The following ADAMTS6 variants were observed in gnomAD, a reference collection of about 807,000 sequenced individuals.
ADAMTS6 encodes ADAM metallopeptidase with thrombospondin type 1 motif 6, also known as A disintegrin and metalloproteinase with thrombospondin motifs 6.
Under a neutral mutation model 144.3 loss-of-function variants are expected in ADAMTS6, and 23 were observed. That is an observed-to-expected ratio of 0.16 (90% confidence interval 0.11 to 0.23). ADAMTS6 has a LOEUF of 0.23. Ranked by LOEUF, ADAMTS6 falls within the 10% of genes least tolerant of loss-of-function variation. The pLI, the probability that ADAMTS6 is intolerant of heterozygous loss-of-function variation, is 1.00. For missense variants in ADAMTS6, 999 were observed against 1,379.6 expected, an observed-to-expected ratio of 0.72 and a Z score of 4.37; for synonymous variants, 444 against 457.5, an observed-to-expected ratio of 0.97 and a Z score of 0.38.
intron 7 of ADAMTS6, among the ~76,000 whole-genome samples, chr5:65,444,606 A>G (rs72760588): frequency 0.061 from 9,257 of 152,230 alleles, 386 homozygotes; most frequent in East Asian, 0.1. Context: ...ATGGAGAGAT[A>G]GACTTTGTTC....
chr5:65,423,983 TA>T (rs1001509683), intron 7 of ADAMTS6, among the ~76,000 whole-genome samples: 1 of 151,936 alleles, frequency 6.6e-6, no homozygotes, highest in Non-Finnish European at 1.5e-5. Context: ...ATATCACGAT[TA>T]AAAAAAACAT....
At chr5:65,453,043 G>A in intron 4 of ADAMTS6, 125 bp from the exon 5 acceptor site, 1 of 716,248 alleles carries the variant, frequency 1.4e-6, no homozygotes, top group Non-Finnish European at 2.1e-6. Context: ...AGAAGAGAAT[G>A]AGAAAATGCA....
At chr5:65,434,991 C>A (rs1580700809) in intron 7 of ADAMTS6, among the ~76,000 whole-genome samples, 1 of 152,128 alleles carries the variant, frequency 6.6e-6, no homozygotes, top group African/African-American at 2.4e-5. Flanking sequence ...TCTAAATGCT[C>A]ATAGGTAAAA....
intron 7 of ADAMTS6, among the ~76,000 whole-genome samples, chr5:65,380,209 A>T (rs1751918712): frequency 6.6e-6 from 1 of 152,120 alleles, no homozygotes; most frequent in African/African-American, 2.4e-5. Context: ...TTAGTTATAT[A>T]TCTTATAGAT....
At chr5:65,179,588 G>C (rs1035441445) in intron 22 of ADAMTS6, among the ~76,000 whole-genome samples, 6 of 152,120 alleles carry the variant, frequency 3.9e-5, no homozygotes, top group Non-Finnish European at 7.4e-5. Context: ...AAGTACATTT[G>C]TCATGAATTA....
intron 22 of ADAMTS6, among the ~76,000 whole-genome samples, chr5:65,173,464 C>T (rs1017565928): frequency 1.1e-4 from 16 of 152,124 alleles, no homozygotes; most frequent in Non-Finnish European, 2.1e-4. Flanking sequence ...ATTCTTATGT[C>T]GGGTCGCTAA....
At chr5:65,468,474 A>G (rs1375403265) in intron 3 of ADAMTS6, among the ~76,000 whole-genome samples, 2 of 151,846 alleles carry the variant, frequency 1.3e-5, no homozygotes, top group Admixed American at 6.6e-5. Flanking sequence ...CAAAATAAGA[A>G]TGAAGATAAA....
At chr5:65,312,653 T>C (rs1346244000) in intron 9 of ADAMTS6, among the ~76,000 whole-genome samples, 1 of 152,036 alleles carries the variant, frequency 6.6e-6, no homozygotes, top group Non-Finnish European at 1.5e-5. Context: ...ACTCTCCCCA[T>C]ACCATACACA....
At chr5:65,253,771 G>A (rs1388758623) in intron 14 of ADAMTS6, among the ~76,000 whole-genome samples, 1 of 111,174 alleles carries the variant, frequency 9.0e-6, no homozygotes, top group Non-Finnish European at 1.9e-5. Context: ...CCTATTCTTT[G>A]TTAACTGGAA....
intron 12 of ADAMTS6, among the ~76,000 whole-genome samples, chr5:65,269,565 A>G (rs1220127161): frequency 6.6e-6 from 1 of 152,198 alleles, no homozygotes; most frequent in African/African-American, 2.4e-5. Context: ...GTAAAATTAG[A>G]GTCAGCATAG....
intron 3 of ADAMTS6, among the ~76,000 whole-genome samples, chr5:65,467,436 C>T (rs1258948790): frequency 6.6e-6 from 1 of 151,790 alleles, no homozygotes; most frequent in Non-Finnish European, 1.5e-5. Context: ...CATGCTTTCA[C>T]TGAGGGAAAT....
chr5:65,295,610 T>C (rs1333535564), intron 10 of ADAMTS6, among the ~76,000 whole-genome samples: 1 of 152,050 alleles, frequency 6.6e-6, no homozygotes, highest in Non-Finnish European at 1.5e-5. Context: ...ATTGTACATA[T>C]AAAAAGTAGA....
At chr5:65,198,049 G>T (rs1755498107) in intron 20 of ADAMTS6, among the ~76,000 whole-genome samples, 1 of 152,042 alleles carries the variant, frequency 6.6e-6, no homozygotes, top group Non-Finnish European at 1.5e-5. Context: ...TTAGTGTCAA[G>T]GAAACAAAAG....
At chr5:65,167,273 G>GA (rs2112043368) in intron 24 of ADAMTS6, among the ~76,000 whole-genome samples, 1 of 152,072 alleles carries the variant, frequency 6.6e-6, no homozygotes, top group African/African-American at 2.4e-5. Context: ...AAATAAACTA[G>GA]AAAATCTAGA....
intron 23 of ADAMTS6, among the ~76,000 whole-genome samples, chr5:65,171,291 G>T (rs999122357): frequency 3.3e-5 from 5 of 152,152 alleles, no homozygotes. Context: ...TTACAGGTGT[G>T]AGCCATCGCG....
chr5:65,264,402 T>A (rs932520855), intron 12 of ADAMTS6, among the ~76,000 whole-genome samples: 9 of 152,156 alleles, frequency 5.9e-5, no homozygotes, highest in Non-Finnish European at 1.2e-4. Context: ...CTTCTAGTAA[T>A]GCTTTGTTCC....
Position 65,179,951 on chromosome 5 carries a change from C to G in ADAMTS6, c.2911-6943G>C, listed in dbSNP as rs77895785. ...GTGCATGCAAACACACACATGTGCACGCACGCGCACACACACACACACACA... is the reference window on the plus strand; with the variant it reads ...GTGCATGCAAACACACACATGTGCAGGCACGCGCACACACACACACACACA... On this transcript the variant is annotated intron_variant, in intron 22 of 24. Coordinates refer to ENST00000381055, the MANE Select transcript of ADAMTS6 (RefSeq NM_197941.4). Among the ~76,000 whole-genome samples, 205 of 75,486 alleles carry G rather than the reference C, an allele frequency of 2.7e-3. 1 individual carries two copies. Among genetic ancestry groups the G allele is most frequent in the African/African-American group, 0.016 (195 of 11,964 alleles). 49.5% of individuals were successfully genotyped at this position (75,486 alleles called of 152,430 possible). A position where few individuals can be genotyped will look rare whatever the true frequency, so the allele number is the denominator to read the frequency against.
At chr5:65,389,874 T>C (rs1471066069) in intron 7 of ADAMTS6, among the ~76,000 whole-genome samples, 1 of 152,196 alleles carries the variant, frequency 6.6e-6, no homozygotes, top group Non-Finnish European at 1.5e-5. Flanking sequence ...TGAGTGACAA[T>C]AAAGAGAAAC....
chr5:65,309,655 T>C (rs1421564690), intron 9 of ADAMTS6, among the ~76,000 whole-genome samples: 1 of 152,068 alleles, frequency 6.6e-6, no homozygotes, highest in Non-Finnish European at 1.5e-5. Flanking sequence ...TAGTTAAATA[T>C]ACATACCCGA....
Sources: gnomAD v4.1 joint callset for allele counts (sites outside exome capture counted in the v4.1 genomes callset) on GRCh38, gnomAD v4.1.1 for gene constraint, MANE v1.5 for transcripts, NCBI Gene and HGNC (gene_info 2026-07-23, HGNC 2026-07-21) for gene names.